CNNM1: variants seen among roughly 807,000 people sequenced by gnomAD.
The protein encoded by CNNM1 is cyclin and CBS domain divalent metal cation transport mediator 1.
Under a neutral mutation model 78.8 loss-of-function variants are expected in CNNM1, and 44 were observed. The observed-to-expected ratio is 0.56, with a 90% CI of 0.44 to 0.72. The LOEUF is 0.72. CNNM1 is among the 30% of genes least tolerant of loss of function. CNNM1 has a pLI of 0.00. For missense variants in CNNM1, 1,101 were observed against 1,292.2 expected (o/e 0.85, Z 2.27); for synonymous variants, 584 against 581.5 (o/e 1.00, Z -0.06).
chr10:99,348,009 T>A (rs1202048479), intron 1 of CNNM1, among the ~76,000 whole-genome samples: 11 of 147,264 alleles, frequency 7.5e-5, no homozygotes, highest in African/African-American at 2.8e-4. Flanking sequence ...ATATATTTTT[T>A]TATATATATG....
intron 6 of CNNM1, among the ~76,000 whole-genome samples, chr10:99,370,355 G>A (rs568413090): frequency 1.3e-5 from 2 of 152,260 alleles, no homozygotes; most frequent in East Asian, 3.9e-4. Flanking sequence ...AACTCTGCAG[G>A]GTGGAGCAAT....
Position 99,330,742 on chromosome 10 carries a change from CT to C in CNNM1, c.1356del (p.Val453SerfsTer83). Reference protein sequence around the residue: ...LRSDAVLDFATVSEILRSGYT... With the variant: ...LRSDAVLDFAXVSEILRSGYT... ...TCAGACGCGGTGCTCGACTTCGCCA[CT>C]GTCTCCGAGATCCTGCGCAGCGGCT... On this transcript the variant is annotated frameshift_variant, in exon 1 of 11. Coordinates refer to ENST00000356713, the MANE Select transcript of CNNM1 (RefSeq NM_020348.3). LOFTEE classifies it high-confidence loss of function. 6.2e-7 allele frequency: 1 copy of C among 1,614,076 alleles called. No individual in the cohort carries two copies. Among genetic ancestry groups the C allele is most frequent in the Non-Finnish European group, 8.5e-7 (1 of 1,179,926 alleles).
chr10:99,346,906 G>A (rs560782548), intron 1 of CNNM1, among the ~76,000 whole-genome samples: 4 of 152,210 alleles, frequency 2.6e-5, no homozygotes, highest in African/African-American at 7.2e-5. Flanking sequence ...CACTGCACTC[G>A]GCCTTATGTC....
chr10:99,344,066 C>A (rs2030574969), intron 1 of CNNM1, among the ~76,000 whole-genome samples: 1 of 150,426 alleles, frequency 6.6e-6, no homozygotes, highest in Admixed American at 6.6e-5. Context: ...GGTGTGCTGG[C>A]TCACCCTTGT....
chr10:99,378,143 T>C (rs764906818), intron 7 of CNNM1, among the ~76,000 whole-genome samples: 7 of 152,142 alleles, frequency 4.6e-5, no homozygotes, highest in Non-Finnish European at 8.8e-5. Flanking sequence ...TTTGTGTTTT[T>C]AGTAGAGACG....
At chr10:99,341,623 A>G (rs1327680780) in intron 1 of CNNM1, among the ~76,000 whole-genome samples, 2 of 152,176 alleles carry the variant, frequency 1.3e-5, no homozygotes, top group Non-Finnish European at 2.9e-5. Flanking sequence ...GGACCCTGCT[A>G]AGCAATTATG....
chr10:99,335,655 A>G (rs2030139868), intron 1 of CNNM1, among the ~76,000 whole-genome samples: 1 of 152,200 alleles, frequency 6.6e-6, no homozygotes, highest in Non-Finnish European at 1.5e-5. Flanking sequence ...CAGACTAGAA[A>G]GCTTTCCTTT....
At chr10:99,346,358 ACTC>A (rs554317152) in intron 1 of CNNM1, among the ~76,000 whole-genome samples, 147 of 151,716 alleles carry the variant, frequency 9.7e-4, no homozygotes, top group Non-Finnish European at 1.7e-3. Context: ...ACATGTGAAC[ACTC>A]CTCCTCAGTC....
intron 7 of CNNM1, 87 bp from the exon 8 acceptor site, chr10:99,387,733 C>A: frequency 7.3e-7 from 1 of 1,364,520 alleles, no homozygotes. Context: ...AGCACCCCAG[C>A]GAGGCTGCCC....
chr10:99,358,808 G>A (rs2031320672), intron 2 of CNNM1, among the ~76,000 whole-genome samples: 1 of 151,884 alleles, frequency 6.6e-6, no homozygotes, highest in African/African-American at 2.4e-5. Context: ...GGTGTAGCCT[G>A]GGCAACATGG....
rs1350498260 is a variant in CNNM1, at chr10:99,330,764, C to T, written c.1377C>T (p.Ser459=). 1 of 1,613,932 alleles carries T rather than the reference C, an allele frequency of 6.2e-7. No homozygotes were observed. The highest frequency in any genetic ancestry group is 2.2e-5 in the East Asian group (1 of 44,878). ...DFATVSEILR[S]GYTRIPVYEG... is the part of the protein sequence containing the mutation. ...CCACTGTCTCCGAGATCCTGCGCAG[C>T]GGCTACACTCGCATCCCAGTGTACG... The change falls in exon 1 of 11, where the codon AGC becomes AGT. Residue 459 remains serine, a synonymous_variant. Coordinates refer to ENST00000356713, the MANE Select transcript of CNNM1 (RefSeq NM_020348.3).
intron 1 of CNNM1, among the ~76,000 whole-genome samples, chr10:99,356,609 G>GAAAGAAAGAAAGA (rs2031219470): frequency 1.5e-5 from 2 of 132,610 alleles, no homozygotes; most frequent in East Asian, 2.3e-4. Context: ...AGAAAGAAAA[G>GAAAGAAAGAAAGA]AAAGAAAGAA....
At chr10:99,368,627 C>G in intron 6 of CNNM1, 1 of 1,289,760 alleles carries the variant, frequency 7.8e-7, no homozygotes, top group Non-Finnish European at 1.0e-6. Context: ...GTGCCTGTCT[C>G]TGTGTCTCGT....
intron 7 of CNNM1, among the ~76,000 whole-genome samples, chr10:99,381,998 A>AT (rs1189840806): frequency 2.0e-5 from 3 of 151,974 alleles, no homozygotes; most frequent in Non-Finnish European, 4.4e-5. Flanking sequence ...GTCTCTCCCC[A>AT]TCTTTCCTTC....
chr10:99,344,843 G>T (rs1165736584), intron 1 of CNNM1, among the ~76,000 whole-genome samples: 2 of 152,234 alleles, frequency 1.3e-5, no homozygotes, highest in African/African-American at 4.8e-5. Context: ...AGGTGGAATT[G>T]TGACTCCTTT....
chr10:99,344,955 G>A (rs10786538), intron 1 of CNNM1, among the ~76,000 whole-genome samples: 128,031 of 152,134 alleles, frequency 0.84, 54,154 homozygotes, highest in African/African-American at 0.9. Flanking sequence ...CATTTACAGA[G>A]TATGTGCCCA....
At chr10:99,374,409 C>G (rs1180590425) in intron 6 of CNNM1, among the ~76,000 whole-genome samples, 4 of 152,164 alleles carry the variant, frequency 2.6e-5, no homozygotes, top group Admixed American at 6.5e-5. Context: ...GCCTCTTCCT[C>G]AAGTTACTGG....
rs1009116092 is a variant in CNNM1 at position 99,361,078 on chromosome 10, T to A, written c.1858+103T>A. The A allele has an allele frequency of 7.8e-6, 10 of 1,277,130 alleles. No individual in the cohort carries two copies. In the African/African-American group the frequency reaches 1.5e-4, roughly 19 times the overall value. The allele number at this position is 1,277,130 out of a possible 1,614,324, so 79.1% of individuals were successfully genotyped here. On this transcript the variant is annotated intron_variant, in intron 3 of 10. Coordinates refer to ENST00000356713, the MANE Select transcript of CNNM1 (RefSeq NM_020348.3). ...CTTCCAGCCTGATTCCAGTGTGCTG[T>A]CAGGACTGAGAAGCACTGTTCTAGG...
Position 99,329,636 on chromosome 10 carries a change from C to A in CNNM1, c.249C>A (p.Thr83=). ...RVYFQPGPPA[T]AAPVPSPTLN... ...ATTTCCAGCCAGGACCGCCGGCCAC[C>A]GCCGCACCGGTGCCCTCACCGACCC... The change falls in exon 1 of 11, where the codon ACC becomes ACA. Residue 83 remains threonine, a synonymous_variant. Coordinates refer to ENST00000356713, the MANE Select transcript of CNNM1 (RefSeq NM_020348.3). The A allele has an allele frequency of 6.6e-7, 1 of 1,516,996 alleles. No homozygotes were observed. Among genetic ancestry groups the A allele is most frequent in the Admixed American group, 2.0e-5 (1 of 49,192 alleles). 94.0% of individuals were successfully genotyped at this position (1,516,996 alleles called of 1,614,324 possible).
Sources: allele counts gnomAD v4.1 joint callset (sites outside exome capture counted in the v4.1 genomes callset), GRCh38; gene constraint gnomAD v4.1.1; transcripts MANE v1.5; gene names NCBI Gene and HGNC (gene_info 2026-07-23, HGNC 2026-07-21).